Variants in HDGFL3 observed in about 807,000 individuals in gnomAD.
HDGFL3 encodes the protein HDGF like 3.
A neutral mutation model predicts 27.6 loss-of-function variants in HDGFL3; 6 were observed. The observed-to-expected ratio is 0.22, with a 90% CI of 0.12 to 0.43. The LOEUF is 0.43. Ranked by LOEUF, HDGFL3 falls within the 20% of genes least tolerant of loss-of-function variation. The pLI, the probability that HDGFL3 is intolerant of heterozygous loss-of-function variation, is 1.00. For missense variants in HDGFL3, 207 were observed against 250.1 expected (o/e 0.83, Z 1.16); for synonymous variants, 88 against 88.9 (o/e 0.99, Z 0.05).
chr15:83,153,342 C>G (rs1027417689), intron 4 of HDGFL3, among the ~76,000 whole-genome samples: 3 of 152,054 alleles, frequency 2.0e-5, no homozygotes, highest in African/African-American at 7.2e-5. Flanking sequence ...TAATAATGAA[C>G]AACTCCCTAA....
chr15:83,116,082 G>A (rs888506643), intron 3 of HDGFL3: 11 of 661,346 alleles, frequency 1.7e-5, no homozygotes, highest in Non-Finnish European at 2.9e-5. Flanking sequence ...GCCTTAGGTC[G>A]CTTAGTCACA....
Position 83,116,392 on chromosome 15 carries a change from A to C in HDGFL3, c.394-651T>G, listed in dbSNP as rs1206034095. ...CCATGCTGCCCAAATCATAGCTTTGATACTACCTGGTACTCGAGAGAGCTA... is the reference window on the plus strand; with the variant it reads ...CCATGCTGCCCAAATCATAGCTTTGCTACTACCTGGTACTCGAGAGAGCTA... On this transcript the variant is annotated intron_variant, in intron 3 of 3. Transcript: ENST00000568294. 2.6e-5 allele frequency among the ~76,000 whole-genome samples: 4 copies of C among 152,184 alleles called. No individual in the cohort carries two copies. In the East Asian group the frequency reaches 7.7e-4, roughly 29 times the overall value.
intron 1 of HDGFL3, among the ~76,000 whole-genome samples, chr15:83,175,586 G>A (rs1255009560): frequency 3.3e-5 from 5 of 152,096 alleles, no homozygotes; most frequent in Admixed American, 2.0e-4. Flanking sequence ...CTGGCTGGGC[G>A]CGGTGGCTCA....
At chr15:83,182,224 A>T (rs1349503847) in intron 1 of HDGFL3, among the ~76,000 whole-genome samples, 1 of 152,086 alleles carries the variant, frequency 6.6e-6, no homozygotes, top group Non-Finnish European at 1.5e-5. Context: ...AAGTGTTATA[A>T]TGCTTTATGT....
chr15:83,172,491 T>TTA (rs1215345796), intron 1 of HDGFL3, among the ~76,000 whole-genome samples: 2 of 152,128 alleles, frequency 1.3e-5, no homozygotes, highest in African/African-American at 4.8e-5. Flanking sequence ...AACAAATATT[T>TTA]TATATATGTA....
downstream of HDGFL3, chr15:83,126,706 A>G (rs778155425): frequency 6.0e-6 from 9 of 1,497,182 alleles, no homozygotes; most frequent in Admixed American, 9.1e-5. Context: ...AGCAAACCTA[A>G]GAACCAGATG....
chr15:83,146,078 T>C (rs557764117), intron 5 of HDGFL3, among the ~76,000 whole-genome samples: 8 of 151,844 alleles, frequency 5.3e-5, no homozygotes, highest in African/African-American at 1.9e-4. Context: ...GCCCAGCTAA[T>C]TTTTGCATTT....
At chr15:83,115,665 AACACAGGTGG>A in exon 4 of HDGFL3, 1 of 696,226 alleles carries the variant, frequency 1.4e-6, no homozygotes, top group Non-Finnish European at 2.6e-6. Context: ...GAGAGCTGCG[AACACAGGTGG>A]AGGTCCAGCT....
chr15:83,182,275 G>A (rs1353680366), intron 1 of HDGFL3, among the ~76,000 whole-genome samples: 4 of 152,000 alleles, frequency 2.6e-5, no homozygotes, highest in Non-Finnish European at 5.9e-5. Context: ...GCATGAAGTA[G>A]TATCTTCTGT....
intron 1 of HDGFL3, among the ~76,000 whole-genome samples, chr15:83,194,045 G>A (rs550902776): frequency 6.6e-6 from 1 of 152,096 alleles, no homozygotes; most frequent in African/African-American, 2.4e-5. Flanking sequence ...GCATCAATAT[G>A]AACAAGGAAT....
intron 1 of HDGFL3, among the ~76,000 whole-genome samples, chr15:83,174,543 A>T (rs1285665562): frequency 6.6e-6 from 1 of 151,806 alleles, no homozygotes; most frequent in Non-Finnish European, 1.5e-5. Flanking sequence ...TATGAATTGT[A>T]GTAAAAAACA....
chr15:83,192,952 T>C (rs902296677), intron 1 of HDGFL3, among the ~76,000 whole-genome samples: 2 of 152,248 alleles, frequency 1.3e-5, no homozygotes, highest in Non-Finnish European at 2.9e-5. Flanking sequence ...TAGCTCTTTA[T>C]CTTCCAGTAA....
At chr15:83,203,432 G>A (rs913214418) in intron 1 of HDGFL3, among the ~76,000 whole-genome samples, 7 of 152,034 alleles carry the variant, frequency 4.6e-5, no homozygotes, top group East Asian at 1.9e-4. Context: ...GTGTGTGCCC[G>A]GTTGAGCAGG....
At chr15:83,192,525 G>A (rs888156046) in intron 1 of HDGFL3, among the ~76,000 whole-genome samples, 3 of 152,126 alleles carry the variant, frequency 2.0e-5, no homozygotes, top group African/African-American at 7.2e-5. Context: ...AAAAAGGCAC[G>A]ATGAATGAGC....
intron 3 of HDGFL3, among the ~76,000 whole-genome samples, chr15:83,116,697 G>A (rs1294034936): frequency 6.6e-6 from 1 of 152,164 alleles, no homozygotes; most frequent in African/African-American, 2.4e-5. Flanking sequence ...AGGCTTCCTC[G>A]GGACCAGCAG....
chr15:83,155,639 C>A (rs1184822855), intron 4 of HDGFL3, among the ~76,000 whole-genome samples: 1 of 152,202 alleles, frequency 6.6e-6, no homozygotes, highest in Non-Finnish European at 1.5e-5. Context: ...ATTAGGTACA[C>A]AGGAAACAAT....
chr15:83,199,094 A>G (rs2037606215), intron 1 of HDGFL3, among the ~76,000 whole-genome samples: 1 of 152,202 alleles, frequency 6.6e-6, no homozygotes, highest in Admixed American at 6.5e-5. Flanking sequence ...TTTCAAAATT[A>G]TTGACTTCAT....
intron 5 of HDGFL3, among the ~76,000 whole-genome samples, chr15:83,147,986 C>G (rs1415511807): frequency 6.6e-6 from 1 of 152,040 alleles, no homozygotes; most frequent in Non-Finnish European, 1.5e-5. Flanking sequence ...ACGCGCTGTA[C>G]AGAAGAGAAA....
At chr15:83,115,201 T>G in exon 4 of HDGFL3, 1 of 165,716 alleles carries the variant, frequency 6.0e-6, no homozygotes, top group Non-Finnish European at 1.3e-5. Flanking sequence ...CACTGCAACC[T>G]CCGCCTCCTG....
Sources: allele counts gnomAD v4.1 joint callset (sites outside exome capture counted in the v4.1 genomes callset), GRCh38; gene constraint gnomAD v4.1.1; transcripts MANE v1.5; gene names NCBI Gene and HGNC (gene_info 2026-07-23, HGNC 2026-07-21).